Variants in CDH18 observed in about 807,000 individuals in gnomAD.
CDH18 encodes cadherin-18.
In CDH18, 31 loss-of-function variants were observed where a neutral mutation model predicts 67.9. The observed-to-expected ratio is 0.46, with a 90% CI of 0.34 to 0.62. The LOEUF (loss-of-function observed/expected upper bound fraction) is 0.62, where lower values mean the gene tolerates loss of function less well. Ranked by LOEUF, CDH18 falls within the 20% of genes least tolerant of loss-of-function variation. CDH18 has a pLI of 0.01. For synonymous variants in CDH18, 362 were observed against 347.2 expected, an observed-to-expected ratio of 1.04 and a Z score of -0.48; for missense variants, 890 against 975.5, an observed-to-expected ratio of 0.91 and a Z score of 1.17.
chr5:20,152,348 G>C (rs986274311), intron 2 of CDH18, among the ~76,000 whole-genome samples: 1 of 150,104 alleles, frequency 6.7e-6, no homozygotes, highest in Non-Finnish European at 1.5e-5. Flanking sequence ...AAGACTTTCT[G>C]TTTTCAATAT....
Position 19,919,949 on chromosome 5 carries a change from A to T in CDH18, c.-257+61111T>A, listed in dbSNP as rs146248805. ...CTATGTTAATTATCTTCTCTTTTGT[A>T]CTATATCTAGATAGTAGTCATTTCT... On this transcript the variant is annotated intron_variant, in intron 2 of 12. Coordinates refer to ENST00000382275, the MANE Select transcript of CDH18 (RefSeq NM_004934.5). Among the ~76,000 whole-genome samples the T allele has an allele frequency of 9.8e-5, 15 of 152,312 alleles. No homozygotes were observed. In the East Asian group the frequency reaches 2.9e-3, roughly 29 times the overall value.
intron 5 of CDH18, among the ~76,000 whole-genome samples, chr5:19,634,107 T>C (rs1752776764): frequency 6.6e-6 from 1 of 152,212 alleles, no homozygotes; most frequent in African/African-American, 2.4e-5. Context: ...AATAAGCTTG[T>C]GGTGGCATGT....
At chr5:19,852,846 C>T (rs1783863745) in intron 2 of CDH18, among the ~76,000 whole-genome samples, 3 of 151,958 alleles carry the variant, frequency 2.0e-5, no homozygotes, top group Admixed American at 1.3e-4. Context: ...ATGTATTCTT[C>T]CTATATAATC....
At chr5:19,815,198 A>G (rs1026532374) in intron 3 of CDH18, among the ~76,000 whole-genome samples, 2 of 152,056 alleles carry the variant, frequency 1.3e-5, no homozygotes, top group Non-Finnish European at 2.9e-5. Context: ...AGTTGTTTTC[A>G]TGATGACTAC....
At chr5:19,536,387 G>A (rs1749427720) in intron 9 of CDH18, among the ~76,000 whole-genome samples, 1 of 152,140 alleles carries the variant, frequency 6.6e-6, no homozygotes, top group Admixed American at 6.6e-5. Flanking sequence ...AAGATGAAAG[G>A]GTTATGAAAT....
intron 2 of CDH18, among the ~76,000 whole-genome samples, chr5:20,249,077 C>T (rs1180284551): frequency 6.6e-6 from 1 of 152,032 alleles, no homozygotes; most frequent in African/African-American, 2.4e-5. Context: ...TGGAAAAGTA[C>T]AGCGAAGTAT....
chr5:19,567,538 A>T (rs2149915140), intron 8 of CDH18, among the ~76,000 whole-genome samples: 1 of 152,236 alleles, frequency 6.6e-6, no homozygotes, highest in South Asian at 2.1e-4. Flanking sequence ...TTGGTCCCTG[A>T]GAAAGGTGGA....
At chr5:19,933,045 A>G (rs1363582359) in intron 2 of CDH18, among the ~76,000 whole-genome samples, 1 of 151,610 alleles carries the variant, frequency 6.6e-6, no homozygotes, top group African/African-American at 2.4e-5. Context: ...ATACCTAATC[A>G]TAACTGTAAT....
chr5:19,575,866 A>C (rs10035337), intron 7 of CDH18, among the ~76,000 whole-genome samples: 5,686 of 152,184 alleles, frequency 0.037, 307 homozygotes, highest in African/African-American at 0.12. Flanking sequence ...CCCCAGAAGA[A>C]AGATACCCCT....
intron 2 of CDH18, among the ~76,000 whole-genome samples, chr5:20,249,955 G>C (rs1743705566): frequency 6.6e-6 from 1 of 151,942 alleles, no homozygotes; most frequent in South Asian, 2.1e-4. Flanking sequence ...TGTAAATTGA[G>C]ATGAAAATTA....
intron 2 of CDH18, among the ~76,000 whole-genome samples, chr5:20,018,644 AG>A (rs1738105089): frequency 6.6e-6 from 1 of 152,202 alleles, no homozygotes; most frequent in African/African-American, 2.4e-5. Context: ...TAATTCTTTA[AG>A]GTTATAGATT....
intron 2 of CDH18, among the ~76,000 whole-genome samples, chr5:20,174,781 G>T (rs953066224): frequency 6.6e-6 from 1 of 152,090 alleles, no homozygotes; most frequent in South Asian, 2.1e-4. Flanking sequence ...ATGAAAACAT[G>T]CATGGATGTT....
At chr5:19,963,666 CA>C (rs1579836640) in intron 2 of CDH18, among the ~76,000 whole-genome samples, 2 of 152,066 alleles carry the variant, frequency 1.3e-5, no homozygotes, top group African/African-American at 4.8e-5. Flanking sequence ...CCTCCCCAGC[CA>C]TGCTGAACTG....
At chr5:20,050,992 G>C (rs911891754) in intron 2 of CDH18, among the ~76,000 whole-genome samples, 3 of 151,746 alleles carry the variant, frequency 2.0e-5, no homozygotes, top group Non-Finnish European at 2.9e-5. Flanking sequence ...TCAGAAAAAG[G>C]CAATGGAGTA....
At chr5:20,569,304 C>A (rs756109441) in intron 1 of CDH18, among the ~76,000 whole-genome samples, 12 of 152,248 alleles carry the variant, frequency 7.9e-5, no homozygotes, top group Non-Finnish European at 1.6e-4. Context: ...GTACTACGAG[C>A]CAATATTCTG....
chr5:19,699,034 T>G (rs929601231), intron 5 of CDH18, among the ~76,000 whole-genome samples: 1 of 152,190 alleles, frequency 6.6e-6, no homozygotes, highest in African/African-American at 2.4e-5. Context: ...CTAATCAGCA[T>G]TTCTTCTGTC....
At chr5:20,424,136 T>A (rs1012366145) in intron 1 of CDH18, among the ~76,000 whole-genome samples, 3 of 150,394 alleles carry the variant, frequency 2.0e-5, no homozygotes, top group Admixed American at 2.0e-4. Flanking sequence ...TAATAAGAGT[T>A]CTACTAAAAG....
At chr5:19,895,071 A>G (rs891405244) in intron 2 of CDH18, among the ~76,000 whole-genome samples, 1 of 152,086 alleles carries the variant, frequency 6.6e-6, no homozygotes, top group Non-Finnish European at 1.5e-5. Flanking sequence ...ACACTGCTCT[A>G]TGTAGTAGAT....
intron 1 of CDH18, among the ~76,000 whole-genome samples, chr5:20,391,893 G>A (rs186106563): frequency 6.6e-6 from 1 of 151,836 alleles, no homozygotes. Context: ...TTACAAGAAT[G>A]CAGAACAGTA....
Sources: gnomAD v4.1 joint callset for allele counts (sites outside exome capture counted in the v4.1 genomes callset) on GRCh38, gnomAD v4.1.1 for gene constraint, MANE v1.5 for transcripts, NCBI Gene and HGNC (gene_info 2026-07-23, HGNC 2026-07-21) for gene names.